Variants in FAT4 observed in about 807,000 individuals in gnomAD.
The protein encoded by FAT4 is protocadherin Fat 4.
FAT4 carries 84 observed loss-of-function variants against 303.9 expected under a neutral mutation model. That is an observed-to-expected ratio of 0.28 (90% CI 0.23 to 0.33). The LOEUF is 0.33. Among genes scored for constraint, FAT4 ranks in the 10% least tolerant of loss-of-function variants. The probability of loss-of-function intolerance (pLI) is 1.00; values close to 1 mark genes in which losing one functional copy is unlikely to be tolerated. For missense variants in FAT4, 6,005 were observed against 6,146.8 expected, an observed-to-expected ratio of 0.98 and a Z score of 0.77; for synonymous variants, 2,307 against 2,298.8, an observed-to-expected ratio of 1.00 and a Z score of -0.10.
chr4:125,474,031 A>G (rs1681304459), intron 12 of FAT4, among the ~76,000 whole-genome samples: 2 of 152,048 alleles, frequency 1.3e-5, no homozygotes. Flanking sequence ...GGGATAAAAC[A>G]TTTTAATTTA....
At position 125,414,913 on chromosome 4, in the gene FAT4, G is replaced by T; in HGVS notation, c.5950G>T (p.Ala1984Ser). Residue 1984 changes from alanine (A) to serine (S), a missense_variant, in exon 6 of 18, where the codon GCT becomes TCT. Transcript: ENST00000394329. ...GINSQLTYSI[A>S]SGDSLGQFTV... The stretch of plus-strand genomic sequence containing the variant: ...CAACTCTCAATTGACTTATAGCATT[G>T]CTTCAGGTGATAGCCTTGGGCAGTT... 1.2e-6 allele frequency: 2 copies of T among 1,606,236 alleles called. No individual in the cohort carries two copies. The highest frequency in any genetic ancestry group is 2.2e-5 in the East Asian group (1 of 44,600).
intron 2 of FAT4, among the ~76,000 whole-genome samples, chr4:125,365,480 T>G (rs1369936048): frequency 6.6e-6 from 1 of 152,218 alleles, no homozygotes; most frequent in Non-Finnish European, 1.5e-5. Context: ...TTATCAGTTT[T>G]GCTCTCTATT....
intron 2 of FAT4, among the ~76,000 whole-genome samples, chr4:125,352,784 C>A (rs1465112199): frequency 6.6e-5 from 10 of 151,748 alleles, no homozygotes; most frequent in Non-Finnish European, 1.5e-4. Context: ...GAAACTAGGG[C>A]TTTCTTCTGC....
intron 13 of FAT4, 52 bp from the exon 14 acceptor site, chr4:125,477,103 T>TA: frequency 7.8e-7 from 1 of 1,277,540 alleles, no homozygotes. Context: ...AACATTATAC[T>TA]AAAAATGTAA....
At chr4:125,488,429 C>T (rs138383289) in intron 17 of FAT4, among the ~76,000 whole-genome samples, 2 of 152,216 alleles carry the variant, frequency 1.3e-5, no homozygotes, top group East Asian at 1.9e-4. Context: ...GAGGAGGACA[C>T]GAGTGGATCT....
intron 2 of FAT4, among the ~76,000 whole-genome samples, chr4:125,351,601 A>T (rs1365166976): frequency 6.6e-6 from 1 of 151,782 alleles, no homozygotes; most frequent in Non-Finnish European, 1.5e-5. Context: ...TCTTGTTCAT[A>T]CCATAAGCTT....
intron 2 of FAT4, among the ~76,000 whole-genome samples, chr4:125,331,344 A>G (rs1731375671): frequency 6.6e-6 from 1 of 152,164 alleles, no homozygotes; most frequent in Admixed American, 6.5e-5. Flanking sequence ...CAGGAGCTCA[A>G]CCAGTGATGC....
In FAT4 at chr4:125,450,144, T is replaced by C; in HGVS notation, c.9134T>C (p.Val3045Ala). ...GACAATGATACGGGGTGGATTTCAG[T>C]AGCATCCTCCCTGATTTCTGACTTG... ...KLDNDTGWISVASSLISDLNQ... is the reference protein window; with the variant it reads ...KLDNDTGWISAASSLISDLNQ... Residue 3045 changes from valine (V) to alanine (A), a missense_variant, in exon 10 of 18, where the codon GTA becomes GCA. Physicochemically the swap from Val to Ala is moderately conservative, Grantham distance 64 (BLOSUM62 0). Transcript: ENST00000394329. The C allele has an allele frequency of 6.2e-7, 1 of 1,613,778 alleles. No homozygotes were observed. Among genetic ancestry groups the C allele is most frequent in the Non-Finnish European group, 8.5e-7 (1 of 1,179,960 alleles).
At chr4:125,331,106 T>C (rs1397231795) in intron 2 of FAT4, among the ~76,000 whole-genome samples, 1 of 152,176 alleles carries the variant, frequency 6.6e-6, no homozygotes, top group East Asian at 1.9e-4. Flanking sequence ...TCCTTTTGTT[T>C]CTGCTTTTTT....
Position 125,321,038 on chromosome 4 carries a change from A to T in FAT4, c.4627A>T (p.Ile1543Phe). ...CCTTGCTGCAGACCCATCAGCTGTGATTGGTTCCGTTCTGACAACAATTAT... is the reference window on the plus strand; with the variant it reads ...CCTTGCTGCAGACCCATCAGCTGTGTTTGGTTCCGTTCTGACAACAATTAT... ...NALAADPSAV[I>F]GSVLTTIMAA... The change falls in exon 2 of 18, where the codon ATT (isoleucine) becomes TTT (phenylalanine). Residue 1543 changes from isoleucine to phenylalanine, a missense_variant. Ile to Phe is a conservative substitution (Grantham distance 21). Coordinates refer to ENST00000394329, the MANE Select transcript of FAT4 (RefSeq NM_001291303.3). The T allele has an allele frequency of 6.2e-7, 1 of 1,614,166 alleles. No homozygotes were observed. Among genetic ancestry groups the T allele is most frequent in the Non-Finnish European group, 8.5e-7 (1 of 1,180,012 alleles).
chr4:125,465,995 T>C (rs1314087304), intron 11 of FAT4, among the ~76,000 whole-genome samples: 2 of 152,178 alleles, frequency 1.3e-5, no homozygotes, highest in Non-Finnish European at 2.9e-5. Flanking sequence ...CAGAGGTAGG[T>C]AGTTACACTT....
chr4:125,359,897 G>T (rs1732587221), intron 2 of FAT4, among the ~76,000 whole-genome samples: 1 of 152,216 alleles, frequency 6.6e-6, no homozygotes, highest in Non-Finnish European at 1.5e-5. Flanking sequence ...CTCTGGGAGG[G>T]AGAAGTAGTT....
Position 125,451,383 on chromosome 4 carries a change from A to G in FAT4, c.10373A>G (p.Asn3458Ser). Reference protein sequence around the residue: ...SGNENGAFSINPQTGQITVTA... With the variant: ...SGNENGAFSISPQTGQITVTA... ...AATGAAAATGGTGCCTTTTCTATTAATCCGCAGACAGGACAGATCACCGTT... is the reference window on the plus strand; with the variant it reads ...AATGAAAATGGTGCCTTTTCTATTAGTCCGCAGACAGGACAGATCACCGTT... Residue 3458 changes from asparagine (N) to serine (S), a missense_variant, in exon 10 of 18, where the codon AAT (asparagine) becomes AGT (serine). Physicochemically the swap from Asn to Ser is conservative, Grantham distance 46. Coordinates refer to ENST00000394329, the MANE Select transcript of FAT4 (RefSeq NM_001291303.3). The G allele has an allele frequency of 1.2e-6, 2 of 1,614,124 alleles. No homozygotes were observed. Among genetic ancestry groups the G allele is most frequent in the Non-Finnish European group, 1.7e-6 (2 of 1,180,012 alleles).
chr4:125,421,050 C>T (rs10025859), intron 7 of FAT4, among the ~76,000 whole-genome samples: 150,839 of 152,250 alleles, frequency 0.99, 74,733 homozygotes, highest in East Asian at 1. Context: ...CCTGCCTCAG[C>T]CTCCCAAGTA....
intron 7 of FAT4, among the ~76,000 whole-genome samples, chr4:125,433,242 A>G (rs959942543): frequency 6.6e-6 from 1 of 152,232 alleles, no homozygotes; most frequent in Non-Finnish European, 1.5e-5. Flanking sequence ...TATTTACAGA[A>G]TATTGAATGG....
chr4:125,413,645 G>GAA (rs11371204), intron 5 of FAT4, among the ~76,000 whole-genome samples: 1 of 151,650 alleles, frequency 6.6e-6, no homozygotes, highest in Non-Finnish European at 1.5e-5. Flanking sequence ...CTACATGGTA[G>GAA]AAAAAAATCT....
chr4:125,449,115 A>G lies in FAT4; in HGVS notation c.8105A>G (p.Asn2702Ser), dbSNP rs147036731. The G allele has an allele frequency of 5.6e-6, 9 of 1,613,896 alleles. No individual in the cohort carries two copies. The highest frequency in any genetic ancestry group is 5.3e-5 in the African/African-American group (4 of 74,908). Residue 2702 changes from asparagine (N) to serine (S), a missense_variant, in exon 10 of 18, where the codon AAT becomes AGT. Asn to Ser is a conservative substitution (Grantham distance 46). Transcript: ENST00000394329. Reference protein sequence around the residue: ...VSAMDKDSGPNGQLDYEIVNG... With the variant: ...VSAMDKDSGPSGQLDYEIVNG... ...GCAATGGACAAGGACAGTGGACCCA[A>G]TGGACAGTTAGATTATGAAATTGTT...
Position 125,320,107 on chromosome 4 carries a change from A to G in FAT4, c.3696A>G (p.Val1232=). ...SAANLTQVLR[V]SASDVDEGNN... ...CCAATCTGACACAAGTGTTAAGAGT[A>G]TCTGCCTCAGATGTTGATGAAGGTA... The change falls in exon 2 of 18, where the codon GTA becomes GTG. Residue 1232 remains valine, a synonymous_variant. Transcript: ENST00000394329. 1.2e-6 allele frequency: 2 copies of G among 1,614,108 alleles called. No individual in the cohort carries two copies. Among genetic ancestry groups the G allele is most frequent in the Non-Finnish European group, 1.7e-6 (2 of 1,179,968 alleles).
In FAT4 at chr4:125,449,930, A is replaced by G. The variant is rs1205109272; in HGVS notation, c.8920A>G (p.Asn2974Asp). The G allele has an allele frequency of 2.5e-6, 4 of 1,613,762 alleles. No individual in the cohort carries two copies. The highest frequency in any genetic ancestry group is 3.4e-6 in the Non-Finnish European group (4 of 1,179,934). ...SLISETTVTI[N>D]IVDSNDNAPQ... ...AATTAGTGAGACAACAGTTACCATC[A>G]ATATAGTGGACAGTAATGACAATGC... Residue 2974 changes from asparagine (N) to aspartate (D), a missense_variant, in exon 10 of 18, where the codon AAT (asparagine) becomes GAT (aspartate). Asn to Asp is a conservative substitution (Grantham distance 23, BLOSUM62 1). Transcript: ENST00000394329.
Sources: gnomAD v4.1 joint callset for allele counts (sites outside exome capture counted in the v4.1 genomes callset) on GRCh38, gnomAD v4.1.1 for gene constraint, MANE v1.5 for transcripts, NCBI Gene and HGNC (gene_info 2026-07-23, HGNC 2026-07-21) for gene names.